The following ARAP3 variants were observed in gnomAD, a reference collection of about 807,000 sequenced individuals.
ARAP3 encodes ArfGAP with RhoGAP domain, ankyrin repeat and PH domain 3, also known as arf-GAP with Rho-GAP domain, ANK repeat and PH domain-containing protein 3.
Under a neutral mutation model 169.2 loss-of-function variants are expected in ARAP3, and 82 were observed. The observed-to-expected ratio is 0.48, with a 90% CI of 0.41 to 0.58. The LOEUF is 0.58. Among genes scored for constraint, ARAP3 ranks in the 20% least tolerant of loss-of-function variants. ARAP3 has a pLI of 0.00. For synonymous variants in ARAP3, 791 were observed against 800.3 expected (o/e 0.99, Z 0.20); for missense variants, 1,764 against 2,018.0 (o/e 0.87, Z 2.41).
At chr5:141,675,595 CGCCTG>C (rs2099912070) in intron 4 of ARAP3, among the ~76,000 whole-genome samples, 8 of 151,642 alleles carry the variant, frequency 5.3e-5, no homozygotes, top group Non-Finnish European at 1.2e-4. Context: ...TGCTGGCGGG[CGCCTG>C]TAATTCCAGC....
At chr5:141,677,732 G>A (rs1365984029) in intron 4 of ARAP3, among the ~76,000 whole-genome samples, 1 of 149,066 alleles carries the variant, frequency 6.7e-6, no homozygotes, top group Admixed American at 6.7e-5. Context: ...CCCTTATCTG[G>A]CCCCTTGTTT....
At chr5:141,675,722 C>CA (rs34858399) in intron 4 of ARAP3, among the ~76,000 whole-genome samples, 7,689 of 138,178 alleles carry the variant, frequency 0.056, 244 homozygotes, top group African/African-American at 0.095. Flanking sequence ...GACTCTGTCA[C>CA]AAAAAAAAAA....
In ARAP3 at chr5:141,672,398, G is replaced by A. The variant is rs1397669685; in HGVS notation, c.1386-97C>T. On this transcript the variant is annotated intron_variant, in intron 9 of 32. Coordinates refer to ENST00000239440, the MANE Select transcript of ARAP3 (RefSeq NM_022481.6). The surrounding 1 kb of genome is among the most constrained non-coding windows in gnomAD (Gnocchi z 4.9). ...GGAGCCACCACAGGCCACACCTGGG[G>A]CAGCCCAGACCCTTCTGACATCTTG... The A allele has an allele frequency of 3.9e-6, 6 of 1,536,492 alleles. No homozygotes were observed. The East Asian group carries it at 1.4e-4, about 36-fold the overall frequency.
In ARAP3 at chr5:141,658,435, C is replaced by T; in HGVS notation, c.3456G>A (p.Leu1152=). 1 of 1,614,176 alleles carries T rather than the reference C, an allele frequency of 6.2e-7. No homozygotes were observed. The highest frequency in any genetic ancestry group is 8.5e-7 in the Non-Finnish European group (1 of 1,180,042). ...TCCCAGCTGCTGTCCCCCGCATCTC[C>T]AGTACCTGGTTAGTCAGCTCCTCAG... ...LTAEELTNQV[L]EMRGTAAGMD... Residue 1152 remains leucine (L), a synonymous_variant, in exon 25 of 33, where the codon CTG becomes CTA. Coordinates refer to ENST00000239440, the MANE Select transcript of ARAP3 (RefSeq NM_022481.6).
chr5:141,660,464 C>T (rs908821558), intron 21 of ARAP3, among the ~76,000 whole-genome samples: 6 of 149,236 alleles, frequency 4.0e-5, no homozygotes, highest in African/African-American at 9.9e-5. Flanking sequence ...ACTGCACTCC[C>T]GCCTGGGCCA....
In ARAP3 at chr5:141,658,613, T is replaced by A; in HGVS notation, c.3377A>T (p.Glu1126Val). ...AGDLIMEVYI[E>V]QQLPDNCVTL... ...GACACAGTTGTCTGGGAGCTGCTGCTCTATATAAACTTCCATGATGAGGTC... is the reference window on the plus strand; with the variant it reads ...GACACAGTTGTCTGGGAGCTGCTGCACTATATAAACTTCCATGATGAGGTC... Residue 1126 changes from glutamate to valine, a missense_variant, in exon 24 of 33, where the codon GAG becomes GTG. Around this residue, in one of 3 missense-constraint regions of ARAP3, gnomAD observed 1,112 missense variants for 1,285.7 expected, o/e 0.86. Transcript: ENST00000239440. 6.2e-7 allele frequency: 1 copy of A among 1,610,834 alleles called. No individual in the cohort carries two copies. Among genetic ancestry groups the A allele is most frequent in the Non-Finnish European group, 8.5e-7 (1 of 1,179,222 alleles).
rs768997623 is a variant in ARAP3, at chr5:141,680,451, C to G, written c.36G>C (p.Trp12Cys). ...ACTGCTCCAGGTGCACCGTGGCCAG[C>G]CACACAGCGATGTCCAGGTCCTGAG... is the stretch of plus-strand genomic sequence containing the variant. ...AAPQDLDIAVWLATVHLEQYA... is the reference protein window; with the variant it reads ...AAPQDLDIAVCLATVHLEQYA... The change falls in exon 2 of 33, where the codon TGG becomes TGC. Residue 12 changes from tryptophan to cysteine, a missense_variant. Transcript: ENST00000239440. 16 of 1,607,714 alleles carry G rather than the reference C, an allele frequency of 1.0e-5. No individual in the cohort carries two copies. Among genetic ancestry groups the G allele is most frequent in the African/African-American group, 2.7e-5 (2 of 74,914 alleles).
intron 4 of ARAP3, among the ~76,000 whole-genome samples, chr5:141,675,528 G>A (rs942827887): frequency 1.3e-5 from 2 of 152,066 alleles, no homozygotes; most frequent in African/African-American, 4.8e-5. Context: ...AGACCAGCCT[G>A]GGCAATATGG....
chr5:141,655,955 A>G (rs1367651915), intron 29 of ARAP3, 23 bp from the exon 30 acceptor site: 1 of 1,613,866 alleles, frequency 6.2e-7, no homozygotes, highest in South Asian at 1.1e-5. Flanking sequence ...GAATGGAATC[A>G]GAGGGAGAGA....
In ARAP3 at chr5:141,672,227, G is replaced by C; in HGVS notation, c.1460C>G (p.Ser487Cys). The C allele has an allele frequency of 6.2e-7, 1 of 1,614,214 alleles. No homozygotes were observed. Among genetic ancestry groups the C allele is most frequent in the Non-Finnish European group, 8.5e-7 (1 of 1,180,032 alleles). ...ALQEAVTETL[S>C]DYEVAEKIWS... is the part of the protein sequence containing the mutation. The stretch of plus-strand genomic sequence containing the variant: ...GATCTTCTCAGCCACCTCGTAGTCA[G>C]ACAGGGTCTCGGTTACTGCTTCCTG... Residue 487 changes from serine to cysteine, a missense_variant, in exon 10 of 33, where the codon TCT becomes TGT. This residue lies in a region of ARAP3 where 630 missense variants were observed against 678.7 expected (regional missense o/e 0.93). Coordinates refer to ENST00000239440, the MANE Select transcript of ARAP3 (RefSeq NM_022481.6). The surrounding 1 kb of genome is among the most constrained non-coding windows in gnomAD (Gnocchi z 4.9).
rs1431961619 is a variant in ARAP3, at chr5:141,666,061, T to A, written c.2572+363A>T. Among the ~76,000 whole-genome samples, 1,059 of 139,940 alleles carry A rather than the reference T, an allele frequency of 7.6e-3. 14 individuals are homozygous for A. The highest frequency in any genetic ancestry group is 0.026 in the African/African-American group (983 of 37,800). The allele number at this position is 139,940 out of a possible 152,430, so 91.8% of individuals were successfully genotyped here. On this transcript the variant is annotated intron_variant, in intron 17 of 32. Coordinates refer to ENST00000239440, the MANE Select transcript of ARAP3 (RefSeq NM_022481.6). ...CTCCAAAAAAAAAAAAAAATAATAA[T>A]AATAATAATAATAACAACATTTATT...
In ARAP3 at chr5:141,655,777, G is replaced by A. The variant is rs759982223; in HGVS notation, c.3973-19C>T. The A allele has an allele frequency of 2.5e-6, 4 of 1,614,056 alleles. No individual in the cohort carries two copies. Among genetic ancestry groups the A allele is most frequent in the South Asian group, 2.2e-5 (2 of 91,088 alleles). On this transcript the variant is annotated intron_variant, in intron 30 of 32. Transcript: ENST00000239440. ...CATCGTGCTGGTGGGAGCGTGAGGG[G>A]TTGGCATCAGTGGGCATGAAAGGCA...
rs988562751 is a variant in ARAP3, at chr5:141,680,497, G to A, written c.-11C>T. On this transcript the variant is annotated 5_prime_UTR_variant, in exon 2 of 33. Coordinates refer to ENST00000239440, the MANE Select transcript of ARAP3 (RefSeq NM_022481.6). ...CTGAGGGGCAGCCATGGGGGCTCAGGCCATTGCTGGGGGGAGGGGCAGGGT... is the reference window on the plus strand; with the variant it reads ...CTGAGGGGCAGCCATGGGGGCTCAGACCATTGCTGGGGGGAGGGGCAGGGT... 1.3e-6 allele frequency: 2 copies of A among 1,579,616 alleles called. No individual in the cohort carries two copies. The highest frequency in any genetic ancestry group is 8.6e-7 in the Non-Finnish European group (1 of 1,164,822).
Position 141,680,281 on chromosome 5 carries a change from C to T in ARAP3, c.206G>A (p.Gly69Asp). 1.2e-6 allele frequency: 2 copies of T among 1,614,184 alleles called. No individual in the cohort carries two copies. Among genetic ancestry groups the T allele is most frequent in the African/African-American group, 1.3e-5 (1 of 75,054 alleles). The change falls in exon 2 of 33, where the codon GGC becomes GAC. Residue 69 changes from glycine (G) to aspartate (D), a missense_variant. Coordinates refer to ENST00000239440, the MANE Select transcript of ARAP3 (RefSeq NM_022481.6). ...ACTATCTGATTTGGGATCCAGGGAG[C>T]CCTCTTCGGTGCCTGTCTGTAGCAG... The part of the protein sequence containing the change: ...LRLLQTGTEE[G>D]SLDPKSDSAM...
intron 32 of ARAP3, 70 bp downstream of exon 32, chr5:141,655,292 C>G (rs1425830838): frequency 6.5e-7 from 1 of 1,533,738 alleles, no homozygotes; most frequent in Non-Finnish European, 8.8e-7. Flanking sequence ...AAACAGCACA[C>G]CCGGGGCTCA....
At chr5:141,659,952 T>C (rs922876918) in intron 21 of ARAP3, 26 bp from the exon 22 acceptor site, 2 of 1,538,228 alleles carry the variant, frequency 1.3e-6, no homozygotes, top group Admixed American at 2.0e-5. Context: ...ACGGTCTTCA[T>C]CAGTGTAGCC....
In ARAP3 at chr5:141,656,172, C is replaced by A. The variant is rs547825734; in HGVS notation, c.3872+22G>T. The stretch of plus-strand genomic sequence containing the variant: ...TGAAGGCAGGAAGGCCCTGGAAGTG[C>A]GGGCTGGGGAAGAAAACTCACGGTG... On this transcript the variant is annotated intron_variant, in intron 28 of 32. Coordinates refer to ENST00000239440, the MANE Select transcript of ARAP3 (RefSeq NM_022481.6). 2.5e-6 allele frequency: 4 copies of A among 1,613,958 alleles called. No homozygotes were observed. The Admixed American group carries it at 6.7e-5, about 27-fold the overall frequency.
At chr5:141,676,021 T>C (rs1269323092) in intron 4 of ARAP3, among the ~76,000 whole-genome samples, 4 of 152,150 alleles carry the variant, frequency 2.6e-5, no homozygotes, top group Non-Finnish European at 5.9e-5. Context: ...CCCTACCAGA[T>C]CATTCCTATT....
intron 4 of ARAP3, among the ~76,000 whole-genome samples, chr5:141,678,450 C>A (rs1366762340): frequency 6.6e-6 from 1 of 152,132 alleles, no homozygotes; most frequent in African/African-American, 2.4e-5. Context: ...AACTCCTTCA[C>A]CTCCTTCAAG....
Sources: gnomAD v4.1 joint callset for allele counts (sites outside exome capture counted in the v4.1 genomes callset) on GRCh38, gnomAD v4.1.1 for gene constraint, gnomAD v4.1.1 regional missense constraint, Gnocchi (gnomAD v3.1) non-coding constraint, MANE v1.5 for transcripts, NCBI Gene and HGNC (gene_info 2026-07-23, HGNC 2026-07-21) for gene names.